The following ULK2 variants were observed in gnomAD, a reference collection of about 807,000 sequenced individuals.
ULK2 encodes unc-51 like autophagy activating kinase 2.
ULK2 carries 76 observed loss-of-function variants against 127.5 expected under a neutral mutation model. The ratio of observed to expected loss-of-function variants is 0.60; its 90% CI spans 0.50 to 0.72. The LOEUF (loss-of-function observed/expected upper bound fraction) is 0.72. Among genes scored for constraint, ULK2 ranks in the 30% least tolerant of loss-of-function variants. The pLI is 0.00. For synonymous variants in ULK2, 452 were observed against 461.9 expected (o/e 0.98, Z 0.28); for missense variants, 1,144 against 1,295.9 (o/e 0.88, Z 1.80).
rs190966208 is a variant in ULK2 at position 19,859,188 on chromosome 17, A to T, written c.225+5615T>A. Among the ~76,000 whole-genome samples, 251 of 151,968 alleles carry T rather than the reference A, an allele frequency of 1.7e-3. 3 individuals carry two copies. The East Asian group carries it at 0.042, about 25-fold the overall frequency. On this transcript the variant is annotated intron_variant, in intron 3 of 26. Coordinates refer to ENST00000395544, the MANE Select transcript of ULK2 (RefSeq NM_014683.4). ...ATTTTCCTAGTGTGAGATTATAAAA[A>T]TTTTTTTTAAAAAGGTCACTACTGG...
At chr17:19,842,352 C>T (rs1160027908) in intron 8 of ULK2, among the ~76,000 whole-genome samples, 1 of 151,808 alleles carries the variant, frequency 6.6e-6, no homozygotes, top group African/African-American at 2.4e-5. Flanking sequence ...CATGTGCCAC[C>T]ACACCCGGCT....
intron 18 of ULK2, among the ~76,000 whole-genome samples, chr17:19,796,730 G>A (rs764589442): frequency 1.2e-4 from 19 of 152,136 alleles, no homozygotes; most frequent in Non-Finnish European, 2.6e-4. Context: ...CCCCTAGCCC[G>A]CTCCTTCACT....
At position 19,804,829 on chromosome 17, in the gene ULK2, G is replaced by T. The variant is rs765480070; in HGVS notation, c.1159C>A (p.Gln387Lys). The T allele has an allele frequency of 3.7e-6, 6 of 1,610,110 alleles. No individual in the cohort carries two copies. The highest frequency in any genetic ancestry group is 5.1e-6 in the Non-Finnish European group (6 of 1,178,466). The change falls in exon 15 of 27, where the codon CAG becomes AAG. Residue 387 changes from glutamine (Q) to lysine (K), a missense_variant and splice_region_variant. Transcript: ENST00000395544. Reference sequence around the variant, plus strand: ...TGAGGTGACACAGTAGGCTGACACTGCCTGCAATCGTAATTTATTGAAAAA... The same window carrying T: ...TGAGGTGACACAGTAGGCTGACACTTCCTGCAATCGTAATTTATTGAAAAA... The part of the protein sequence containing the change: ...ASNEFLVCGG[Q>K]CQPTVSPHSE...
In ULK2 at chr17:19,781,919, T is replaced by C; in HGVS notation, c.2609A>G (p.Asp870Gly). Residue 870 changes from aspartate to glycine, a missense_variant, in exon 23 of 27, where the codon GAC (aspartate) becomes GGC (glycine). Coordinates refer to ENST00000395544, the MANE Select transcript of ULK2 (RefSeq NM_014683.4). ...GTCTTTGCTCAGCTGACTGATCTGG[T>C]CCACCACCACACTCTCCTGGATCTG... is the stretch of plus-strand genomic sequence containing the variant. ...LYQIQESVVV[D>G]QISQLSKDWG... 6.2e-7 allele frequency: 1 copy of C among 1,614,136 alleles called. No individual in the cohort carries two copies. The highest frequency in any genetic ancestry group is 1.1e-5 in the South Asian group (1 of 91,060).
At chr17:19,816,580 G>A (rs2040994493) in intron 13 of ULK2, 169 bp downstream of exon 13, 2 of 551,252 alleles carry the variant, frequency 3.6e-6, no homozygotes, top group African/African-American at 3.9e-5. Flanking sequence ...GAAGATGATT[G>A]AGCAAATTTT....
intron 10 of ULK2, among the ~76,000 whole-genome samples, chr17:19,831,952 C>A (rs975835358): frequency 1.3e-5 from 2 of 151,984 alleles, no homozygotes; most frequent in Admixed American, 6.6e-5. Context: ...ATGATGAAAC[C>A]CTGTCTCTAC....
At position 19,804,832 on chromosome 17, in the gene ULK2, T is replaced by C; in HGVS notation, c.1158-2A>G. ...GGTGACACAGTAGGCTGACACTGCC[T>C]GCAATCGTAATTTATTGAAAAAGGA... On this transcript the variant is annotated splice_acceptor_variant, in intron 14 of 26. Transcript: ENST00000395544. LOFTEE classifies it high-confidence loss of function. The C allele has an allele frequency of 6.2e-7, 1 of 1,610,204 alleles. No individual in the cohort carries two copies. The highest frequency in any genetic ancestry group is 8.5e-7 in the Non-Finnish European group (1 of 1,178,460).
chr17:19,819,984 A>C (rs556593793), intron 12 of ULK2, among the ~76,000 whole-genome samples: 1 of 152,054 alleles, frequency 6.6e-6, no homozygotes, highest in African/African-American at 2.4e-5. Flanking sequence ...GGGAGAATCT[A>C]GCTAAAAAAC....
At chr17:19,812,180 G>A (rs947789929) in intron 13 of ULK2, among the ~76,000 whole-genome samples, 2 of 152,138 alleles carry the variant, frequency 1.3e-5, no homozygotes, top group Non-Finnish European at 2.9e-5. Flanking sequence ...ACTGAAGGTA[G>A]GACTAAAAGC....
intron 18 of ULK2, among the ~76,000 whole-genome samples, chr17:19,796,774 T>A (rs111360602): frequency 1.3e-5 from 2 of 152,184 alleles, no homozygotes; most frequent in Admixed American, 6.5e-5. Flanking sequence ...TTTTCATCCA[T>A]TACTTGGTCA....
At chr17:19,843,949 C>A (rs2041823774) in intron 7 of ULK2, among the ~76,000 whole-genome samples, 1 of 152,070 alleles carries the variant, frequency 6.6e-6, no homozygotes, top group Non-Finnish European at 1.5e-5. Flanking sequence ...TGAGCCCCTG[C>A]GCCTGGCCTA....
intron 13 of ULK2, among the ~76,000 whole-genome samples, chr17:19,813,135 AT>A (rs2040884699): frequency 6.6e-6 from 1 of 152,150 alleles, no homozygotes; most frequent in Non-Finnish European, 1.5e-5. Flanking sequence ...CAGGCAAAAG[AT>A]TGGATGAGTC....
At chr17:19,813,922 G>T (rs1187966568) in intron 13 of ULK2, among the ~76,000 whole-genome samples, 1 of 152,098 alleles carries the variant, frequency 6.6e-6, no homozygotes, top group Non-Finnish European at 1.5e-5. Context: ...TCCCAAAATG[G>T]TTTTCATAAA....
At position 19,856,535 on chromosome 17, in the gene ULK2, T is replaced by C. The variant is rs1040744613; in HGVS notation, c.226-6761A>G. On this transcript the variant is annotated intron_variant, in intron 3 of 26. Coordinates refer to ENST00000395544, the MANE Select transcript of ULK2 (RefSeq NM_014683.4). ...AGGCAGAGCTTGCAGTGAGCCGAGA[T>C]CGCGCCACTGCACTCTAGCCTGGGC... Among the ~76,000 whole-genome samples, 9 of 151,164 alleles carry C rather than the reference T, an allele frequency of 6.0e-5. 1 individual carries two copies. The highest frequency in any genetic ancestry group is 3.3e-4 in the Admixed American group (5 of 15,094).
In ULK2 at chr17:19,843,660, C is replaced by CTTTTT. The variant is rs1186486092; in HGVS notation, c.544-443_544-439dup. ...TTGGGCTGTCTCCAAAATATTTTTT[C>CTTTTT]TTTTTTTTTTTTTTTTGAGAATGAG... On this transcript the variant is annotated intron_variant, in intron 7 of 26. Coordinates refer to ENST00000395544, the MANE Select transcript of ULK2 (RefSeq NM_014683.4). 4.4e-5 allele frequency among the ~76,000 whole-genome samples: 6 copies of CTTTTT among 135,288 alleles called. No homozygotes were observed. In the East Asian group the frequency reaches 1.3e-3, roughly 29 times the overall value. 88.8% of individuals were successfully genotyped at this position (135,288 alleles called of 152,430 possible). A position where few individuals can be genotyped will look rare whatever the true frequency, so the allele number is the denominator to read the frequency against.
intron 13 of ULK2, among the ~76,000 whole-genome samples, chr17:19,815,796 T>C (rs909135853): frequency 6.6e-5 from 10 of 152,152 alleles, no homozygotes; most frequent in African/African-American, 2.4e-4. Flanking sequence ...ATGGCACATG[T>C]ATACATTTGT....
At chr17:19,795,088 A>T (rs2087238966) in intron 20 of ULK2, among the ~76,000 whole-genome samples, 1 of 152,084 alleles carries the variant, frequency 6.6e-6, no homozygotes, top group Admixed American at 6.6e-5. Context: ...CCCAAAAAAA[A>T]AACCCAGAAA....
At chr17:19,828,014 C>T (rs934136656) in intron 10 of ULK2, among the ~76,000 whole-genome samples, 1 of 151,812 alleles carries the variant, frequency 6.6e-6, no homozygotes, top group Non-Finnish European at 1.5e-5. Context: ...ATCTTGGAAG[C>T]AAGAGAGAAG....
intron 13 of ULK2, 64 bp from the exon 14 acceptor site, chr17:19,810,502 T>G: frequency 1.3e-5 from 13 of 1,003,788 alleles, no homozygotes; most frequent in East Asian, 2.5e-5. Context: ...CACAAATTTG[T>G]TCCAAAATGA....
Sources: gnomAD v4.1 joint callset for allele counts (sites outside exome capture counted in the v4.1 genomes callset) on GRCh38, gnomAD v4.1.1 for gene constraint, MANE v1.5 for transcripts, NCBI Gene and HGNC (gene_info 2026-07-23, HGNC 2026-07-21) for gene names.